The following PYCR3 variants were observed in gnomAD, a reference collection of about 807,000 sequenced individuals.
PYCR3 encodes pyrroline-5-carboxylate reductase 3.
Under a neutral mutation model 23.4 loss-of-function variants are expected in PYCR3, and 26 were observed. That is an observed-to-expected ratio of 1.11 (90% confidence interval 0.81 to 1.54). PYCR3 has a LOEUF of 1.54. Among genes scored for constraint, PYCR3 ranks in the 40% most tolerant of loss-of-function variants. The probability of loss-of-function intolerance (pLI) is 0.00; values close to 1 mark genes in which losing one functional copy is unlikely to be tolerated. For synonymous variants in PYCR3, 194 were observed against 162.6 expected, an observed-to-expected ratio of 1.19 and a Z score of -1.47; for missense variants, 360 against 376.3, an observed-to-expected ratio of 0.96 and a Z score of 0.36.
intron 2 of PYCR3, among the ~76,000 whole-genome samples, chr8:143,607,567 TACACGCAC>T (rs1407502064): frequency 6.6e-6 from 1 of 151,176 alleles, no homozygotes; most frequent in Non-Finnish European, 1.5e-5. Flanking sequence ...CACGCACTCA[TACACGCAC>T]ACACGCACTC....
Position 143,609,331 on chromosome 8 carries a change from G to A in PYCR3, c.91+127C>T, listed in dbSNP as rs541618022. 3.6e-5 allele frequency: 40 copies of A among 1,126,546 alleles called. No homozygotes were observed. The South Asian group carries it at 6.4e-4, about 18-fold the overall frequency. The allele number at this position is 1,126,546 out of a possible 1,614,324, so 69.8% of individuals were successfully genotyped here. On this transcript the variant is annotated intron_variant, in intron 1 of 5. Transcript: ENST00000495276. ...AGTAAGAGCAAACAGGCGTGGCCCC[G>A]GCTGCGCCCAGCGGAGCGGAGACCC...
rs1032387374 is a variant in PYCR3 at position 143,604,960 on chromosome 8, G to A, written c.*740C>T. On this transcript the variant is annotated 3_prime_UTR_variant, in exon 6 of 6. Coordinates refer to ENST00000495276, the MANE Select transcript of PYCR3 (RefSeq NM_023078.6). ...GGAGCCTGTATCCAGACTAAAGCCA[G>A]GGGTCTGCATGTGTCCTGGCTGGCC... 3 of 502,460 alleles carry A rather than the reference G, an allele frequency of 6.0e-6. No homozygotes were observed. The highest frequency in any genetic ancestry group is 3.9e-5 in the African/African-American group (2 of 51,656). 31.1% of individuals were successfully genotyped at this position (502,460 alleles called of 1,614,324 possible). A position where few individuals can be genotyped will look rare whatever the true frequency, so the allele number is the denominator to read the frequency against.
rs755217 is a variant in PYCR3, at chr8:143,604,342, G to A, written c.*1358C>T. The A allele has an allele frequency of 0.19, 29,322 of 154,420 alleles. 2,988 individuals carry two copies. Among genetic ancestry groups the A allele is most frequent in the East Asian group, 0.36 (1,842 of 5,136 alleles). The allele number at this position is 154,420 out of a possible 1,614,324, so 9.6% of individuals were successfully genotyped here. A position where few individuals can be genotyped will look rare whatever the true frequency, so the allele number is the denominator to read the frequency against. ...CTGAGTCAGCCTGCCCTGGGAACCA[G>A]GCAGGGGAGGGAGCTTACGGACGGG... is the stretch of plus-strand genomic sequence containing the variant. On this transcript the variant is annotated 3_prime_UTR_variant, in exon 6 of 6. Transcript: ENST00000495276.
chr8:143,607,060 T>C lies in PYCR3; in HGVS notation c.229A>G (p.Lys77Glu). 6.2e-7 allele frequency: 1 copy of C among 1,613,044 alleles called. No homozygotes were observed. The highest frequency in any genetic ancestry group is 1.7e-4 in the Middle Eastern group (1 of 6,054). Residue 77 changes from lysine (K) to glutamate (E), a missense_variant, in exon 3 of 6, where the codon AAG (lysine) becomes GAG (glutamate). Transcript: ENST00000495276. Reference protein sequence around the residue: ...QSCLLVIFATKPHVLPAVLAE... With the variant: ...QSCLLVIFATEPHVLPAVLAE... ...AGGACAGCTGGCAGCACATGAGGCT[T>C]GGTGGCAAAGATGACGAGCAGGCAG...
rs1307666115 is a variant in PYCR3, at chr8:143,605,181, G to A, written c.*519C>T. 2 of 338,914 alleles carry A rather than the reference G, an allele frequency of 5.9e-6. No homozygotes were observed. Among genetic ancestry groups the A allele is most frequent in the African/African-American group, 4.4e-5 (2 of 45,740 alleles). 21.0% of individuals were successfully genotyped at this position (338,914 alleles called of 1,614,324 possible). Reference sequence around the variant, plus strand: ...GGGGCCCCATCAGGCCAGGGCCCCTGGCTTTACTGCAGGGGAGAGGGTCTC... The same window carrying A: ...GGGGCCCCATCAGGCCAGGGCCCCTAGCTTTACTGCAGGGGAGAGGGTCTC... On this transcript the variant is annotated 3_prime_UTR_variant, in exon 6 of 6. Coordinates refer to ENST00000495276, the MANE Select transcript of PYCR3 (RefSeq NM_023078.6).
In PYCR3 at chr8:143,609,460, G is replaced by C. The variant is rs1187267723; in HGVS notation, c.89C>G (p.Ala30Gly). The change falls in exon 1 of 6, where the codon GCA becomes GGA. Residue 30 changes from alanine (A) to glycine (G), a missense_variant and splice_region_variant. By Grantham distance (60) the Ala-to-Gly change is moderately conservative. Transcript: ENST00000495276. ...AGAIAQGLIR[A>G]GKVEAQHILA... is the part of the protein sequence containing the mutation. ...GGCCTAGCCCCGCGCCGCCCCACCT[G>C]CTCTGATGAGGCCCTGCGCGATGGC... The C allele has an allele frequency of 2.0e-6, 3 of 1,508,856 alleles. No individual in the cohort carries two copies. Among genetic ancestry groups the C allele is most frequent in the Non-Finnish European group, 1.8e-6 (2 of 1,136,840 alleles). The allele number at this position is 1,508,856 out of a possible 1,614,324, so 93.5% of individuals were successfully genotyped here.
rs370947056 is a variant in PYCR3, at chr8:143,605,694, C to T, written c.*6G>A. Reference sequence around the variant, plus strand: ...CAGAGGCAGGAAAGGATGGCCAGAGCCCAGCCTACTTTCTGCTGAGCTCCT... The same window carrying T: ...CAGAGGCAGGAAAGGATGGCCAGAGTCCAGCCTACTTTCTGCTGAGCTCCT... On this transcript the variant is annotated 3_prime_UTR_variant, in exon 6 of 6. Transcript: ENST00000495276. 6.3e-7 allele frequency: 1 copy of T among 1,587,696 alleles called. No homozygotes were observed. The highest frequency in any genetic ancestry group is 8.6e-7 in the Non-Finnish European group (1 of 1,162,046).
intron 5 of PYCR3, 58 bp downstream of exon 5, chr8:143,606,004 C>A (rs1804452809): frequency 6.4e-7 from 1 of 1,566,466 alleles, no homozygotes; most frequent in South Asian, 1.1e-5. Context: ...TCCCTGCGCA[C>A]TGGAAGAGGT....
In PYCR3 at chr8:143,606,052, C is replaced by A; in HGVS notation, c.642+10G>T. 5 of 1,604,212 alleles carry A rather than the reference C, an allele frequency of 3.1e-6. No homozygotes were observed. Among genetic ancestry groups the A allele is most frequent in the East Asian group, 2.2e-5 (1 of 44,460 alleles). On this transcript the variant is annotated intron_variant, in intron 5 of 5. Coordinates refer to ENST00000495276, the MANE Select transcript of PYCR3 (RefSeq NM_023078.6). ...CTTCCCGATGTTCCCCAGGGGCCAC[C>A]CTCACTCACCAGCAGGGTCTGGGCA...
rs1829303672 is a variant in PYCR3, at chr8:143,603,409, C to T, written c.*2291G>A. On this transcript the variant is annotated 3_prime_UTR_variant, in exon 6 of 6. Transcript: ENST00000495276. The stretch of plus-strand genomic sequence containing the variant: ...TGGAAGTAGAAGGCACAGGGGAGGC[C>T]TGGCTCACCACAACGCTCCCTGCCG... 6.6e-6 allele frequency among the ~76,000 whole-genome samples: 1 copy of T among 152,206 alleles called. No individual in the cohort carries two copies. The highest frequency in any genetic ancestry group is 1.5e-5 in the Non-Finnish European group (1 of 68,040).
chr8:143,609,453 C>G lies in PYCR3; in HGVS notation c.91+5G>C. The G allele has an allele frequency of 6.7e-7, 1 of 1,498,518 alleles. No homozygotes were observed. The highest frequency in any genetic ancestry group is 1.2e-5 in the South Asian group (1 of 80,612). 92.8% of individuals were successfully genotyped at this position (1,498,518 alleles called of 1,614,324 possible). A position where few individuals can be genotyped will look rare whatever the true frequency, so the allele number is the denominator to read the frequency against. On this transcript the variant is annotated splice_donor_5th_base_variant and intron_variant, in intron 1 of 5. Coordinates refer to ENST00000495276, the MANE Select transcript of PYCR3 (RefSeq NM_023078.6). Reference sequence around the variant, plus strand: ...GACCGCAGGCCTAGCCCCGCGCCGCCCCACCTGCTCTGATGAGGCCCTGCG... The same window carrying G: ...GACCGCAGGCCTAGCCCCGCGCCGCGCCACCTGCTCTGATGAGGCCCTGCG...
At chr8:143,607,227 T>G (rs180911364) in intron 2 of PYCR3, 95 bp from the exon 3 acceptor site, 137 of 1,233,898 alleles carry the variant, frequency 1.1e-4, no homozygotes, top group Admixed American at 9.1e-4. Flanking sequence ...CACGTTCCCA[T>G]GGTCCCAGGG....
At position 143,606,183 on chromosome 8, in the gene PYCR3, G is replaced by T. The variant is rs1006688983; in HGVS notation, c.550-29C>A. On this transcript the variant is annotated intron_variant, in intron 4 of 5. Coordinates refer to ENST00000495276, the MANE Select transcript of PYCR3 (RefSeq NM_023078.6). ...TAGCCGCGGCATGGTGGTTGGGGGG[G>T]ATAGGTGTCAAAGCCTGGGGGCTCA... 5 of 1,577,146 alleles carry T rather than the reference G, an allele frequency of 3.2e-6. No homozygotes were observed. In the African/African-American group the frequency reaches 4.0e-5, roughly 13 times the overall value.
At chr8:143,606,398 G>A in intron 4 of PYCR3, 69 bp downstream of exon 4, 5 of 1,526,664 alleles carry the variant, frequency 3.3e-6, no homozygotes, top group Non-Finnish European at 4.5e-6. Flanking sequence ...GGCAGAGGCT[G>A]TCAGAGGGAC....
In PYCR3 at chr8:143,607,252, A is replaced by C. The variant is rs577639248; in HGVS notation, c.157-120T>G. On this transcript the variant is annotated intron_variant, in intron 2 of 5. Transcript: ENST00000495276. ...TGGTCCCAGGGCCTCTCCCATTGCA[A>C]GTGTCTAGACCACCCCGACTTCTCC... 60 of 1,005,710 alleles carry C rather than the reference A, an allele frequency of 6.0e-5. No homozygotes were observed. The South Asian group carries it at 1.0e-3, about 17-fold the overall frequency. 62.3% of individuals were successfully genotyped at this position (1,005,710 alleles called of 1,614,324 possible). A position where few individuals can be genotyped will look rare whatever the true frequency, so the allele number is the denominator to read the frequency against.
intron 2 of PYCR3, among the ~76,000 whole-genome samples, chr8:143,607,509 C>G (rs913206258): frequency 1.3e-5 from 2 of 152,070 alleles, no homozygotes; most frequent in African/African-American, 4.8e-5. Flanking sequence ...CTCATGAGCA[C>G]AAACACATGC....
rs1358916672 is a variant in PYCR3 at position 143,605,414 on chromosome 8, T to C, written c.*286A>G. ...GGCAAATGACCAAGACGCCATCTCT[T>C]GGGCCCCTCAGAACCAATGTTGCAG... On this transcript the variant is annotated 3_prime_UTR_variant, in exon 6 of 6. Coordinates refer to ENST00000495276, the MANE Select transcript of PYCR3 (RefSeq NM_023078.6). 8.3e-6 allele frequency: 4 copies of C among 481,126 alleles called. No individual in the cohort carries two copies. The highest frequency in any genetic ancestry group is 1.5e-5 in the Non-Finnish European group (4 of 268,948). 29.8% of individuals were successfully genotyped at this position (481,126 alleles called of 1,614,324 possible).
chr8:143,606,820 A>C, intron 3 of PYCR3, 133 bp downstream of exon 3: 1 of 1,334,652 alleles, frequency 7.5e-7, no homozygotes, highest in Non-Finnish European at 1.0e-6. Context: ...CCAGGAGGGA[A>C]CCCTAAATCC....
chr8:143,603,244 T>C lies in PYCR3; in HGVS notation c.*2456A>G, dbSNP rs186879029. ...TGAGCATCCCTGTTTTGAAGTCTTA[T>C]TTTTAAACTCTTGATCCAACGCTTG... On this transcript the variant is annotated 3_prime_UTR_variant, in exon 6 of 6. Coordinates refer to ENST00000495276, the MANE Select transcript of PYCR3 (RefSeq NM_023078.6). The C allele has an allele frequency of 6.6e-6, 1 of 152,364 alleles. No homozygotes were observed. The highest frequency in any genetic ancestry group is 1.5e-5 in the Non-Finnish European group (1 of 68,042). 9.4% of individuals were successfully genotyped at this position (152,364 alleles called of 1,614,324 possible).
Sources: allele counts gnomAD v4.1 joint callset (sites outside exome capture counted in the v4.1 genomes callset), GRCh38; gene constraint gnomAD v4.1.1; transcripts MANE v1.5; gene names NCBI Gene and HGNC (gene_info 2026-07-23, HGNC 2026-07-21).